The following RGS7 variants were observed in gnomAD, a reference collection of about 807,000 sequenced individuals.
RGS7 encodes the protein regulator of G protein signaling 7.
Under a neutral mutation model 81.1 loss-of-function variants are expected in RGS7, and 27 were observed. The ratio of observed to expected loss-of-function variants is 0.33; its 90% confidence interval spans 0.25 to 0.46. RGS7 has a LOEUF of 0.46. RGS7 is among the 20% of genes least tolerant of loss of function. The pLI, the probability that RGS7 is intolerant of heterozygous loss-of-function variation, is 1.00. For synonymous variants in RGS7, 208 were observed against 207.7 expected (o/e 1.00, Z -0.01); for missense variants, 396 against 607.4 (o/e 0.65, Z 3.66).
chr1:240,838,771 T>C (rs77005834), intron 9 of RGS7, among the ~76,000 whole-genome samples: 7 of 131,288 alleles, frequency 5.3e-5, no homozygotes, highest in South Asian at 2.4e-4. Flanking sequence ...TTTTTTATTA[T>C]TTTTTTTTTT....
chr1:241,086,006 A>G (rs1318966716), intron 3 of RGS7, among the ~76,000 whole-genome samples: 6 of 152,218 alleles, frequency 3.9e-5, no homozygotes, highest in Admixed American at 2.6e-4. Context: ...CAGCAAGCAC[A>G]CAGGAACTGT....
At chr1:240,957,301 A>G (rs1680603058) in intron 4 of RGS7, among the ~76,000 whole-genome samples, 7 of 152,196 alleles carry the variant, frequency 4.6e-5, no homozygotes, top group Admixed American at 3.3e-4. Context: ...GACTTACACC[A>G]GTGCTTTGCC....
intron 2 of RGS7, among the ~76,000 whole-genome samples, chr1:241,247,416 C>T (rs559349612): frequency 4.1e-4 from 63 of 152,164 alleles, no homozygotes; most frequent in Non-Finnish European, 7.2e-4. Flanking sequence ...ATGAAGGGGG[C>T]CTGCCGCTCC....
chr1:241,335,614 G>C (rs186931035), intron 2 of RGS7, among the ~76,000 whole-genome samples: 30 of 152,206 alleles, frequency 2.0e-4, no homozygotes, highest in African/African-American at 7.2e-4. Flanking sequence ...TTTATCAAGT[G>C]ATGTGTTAGG....
chr1:240,901,986 C>T (rs769830862), intron 6 of RGS7, among the ~76,000 whole-genome samples: 2 of 152,168 alleles, frequency 1.3e-5, no homozygotes, highest in Non-Finnish European at 2.9e-5. Flanking sequence ...TTAGTTCTGA[C>T]AACCCTTTAT....
intron 2 of RGS7, among the ~76,000 whole-genome samples, chr1:241,190,271 CATT>C (rs1462523057): frequency 6.6e-6 from 1 of 152,080 alleles, no homozygotes; most frequent in African/African-American, 2.4e-5. Context: ...ATTTTTATCA[CATT>C]ATTTTTCTTT....
chr1:241,045,520 T>C (rs554716510), intron 3 of RGS7, among the ~76,000 whole-genome samples: 1 of 152,198 alleles, frequency 6.6e-6, no homozygotes, highest in African/African-American at 2.4e-5. Flanking sequence ...CCCACAACCA[T>C]GCCAGGCTAA....
At chr1:241,180,097 G>T (rs555250910) in intron 2 of RGS7, among the ~76,000 whole-genome samples, 1 of 151,952 alleles carries the variant, frequency 6.6e-6, no homozygotes, top group Non-Finnish European at 1.5e-5. Context: ...AAAGTGGGCC[G>T]GGCGCGGTGG....
chr1:241,315,095 T>C (rs1372605097), intron 2 of RGS7, among the ~76,000 whole-genome samples: 26 of 139,400 alleles, frequency 1.9e-4, no homozygotes, highest in Non-Finnish European at 2.4e-4. Context: ...GCTTTTTTTT[T>C]TTCTTCTTCT....
chr1:241,327,126 G>GAAAGAAAC (rs2081623205), intron 2 of RGS7, among the ~76,000 whole-genome samples: 1 of 106,032 alleles, frequency 9.4e-6, no homozygotes, highest in Admixed American at 8.7e-5. Context: ...AAGAAAGAAA[G>GAAAGAAAC]AAAGAAAGAA....
At chr1:241,150,636 C>T (rs906477435) in intron 2 of RGS7, among the ~76,000 whole-genome samples, 2 of 152,166 alleles carry the variant, frequency 1.3e-5, no homozygotes, top group African/African-American at 4.8e-5. Context: ...TATGTAGCCC[C>T]TGGGGTTTGG....
At chr1:241,207,470 T>G (rs2073990907) in intron 2 of RGS7, among the ~76,000 whole-genome samples, 1 of 151,912 alleles carries the variant, frequency 6.6e-6, no homozygotes, top group Non-Finnish European at 1.5e-5. Context: ...ACCTATATAT[T>G]CCAGGCACTG....
chr1:241,085,581 T>C (rs547795368), intron 3 of RGS7, among the ~76,000 whole-genome samples: 131 of 147,794 alleles, frequency 8.9e-4, no homozygotes, highest in Non-Finnish European at 1.4e-3. Context: ...CGCACCATCA[T>C]GCCCGGCTAA....
At chr1:241,183,200 G>A (rs1020015534) in intron 2 of RGS7, among the ~76,000 whole-genome samples, 2 of 152,084 alleles carry the variant, frequency 1.3e-5, no homozygotes, top group Admixed American at 6.6e-5. Flanking sequence ...CTTGAACTTC[G>A]TTCATGTGGT....
intron 2 of RGS7, among the ~76,000 whole-genome samples, chr1:241,124,404 A>G (rs1039054016): frequency 2.0e-5 from 3 of 152,178 alleles, no homozygotes; most frequent in Non-Finnish European, 4.4e-5. Flanking sequence ...TTTGAAAAAA[A>G]TAAAAAAGAA....
intron 9 of RGS7, among the ~76,000 whole-genome samples, chr1:240,833,479 T>G (rs371239084): frequency 1.3e-4 from 20 of 152,330 alleles, no homozygotes; most frequent in Admixed American, 7.2e-4. Context: ...TTACTATGGC[T>G]CAACTTAAAA....
chr1:241,116,502 C>A (rs566541622), intron 2 of RGS7, among the ~76,000 whole-genome samples: 49 of 152,200 alleles, frequency 3.2e-4, no homozygotes, highest in African/African-American at 1.2e-3. Context: ...GCTGTGGATA[C>A]CTGTGACACA....
At chr1:240,793,608 T>C (rs1419866947) in intron 18 of RGS7, among the ~76,000 whole-genome samples, 7 of 42,648 alleles carry the variant, frequency 1.6e-4, no homozygotes, top group East Asian at 4.9e-4. Context: ...TATATATATA[T>C]ATATTTTTTT....
intron 2 of RGS7, among the ~76,000 whole-genome samples, chr1:241,299,935 C>CAAAAAAAAAAAAAAAAAAA (rs35939099): frequency 1.7e-5 from 1 of 58,090 alleles, no homozygotes; most frequent in Non-Finnish European, 3.0e-5. Context: ...CTCGTTTCTC[C>CAAAAAAAAAAAAAAAAAAA]AAAAAAAAAA....
Sources: gnomAD v4.1 joint callset for allele counts (sites outside exome capture counted in the v4.1 genomes callset) on GRCh38, gnomAD v4.1.1 for gene constraint, MANE v1.5 for transcripts, NCBI Gene and HGNC (gene_info 2026-07-23, HGNC 2026-07-21) for gene names.